The following MTCL2 variants were observed in gnomAD, a reference collection of about 807,000 sequenced individuals.
MTCL2 encodes the protein microtubule crosslinking factor 2.
chr20:36,784,771 C>T, the MTCL2 span: 30 of 985,438 alleles, frequency 3.0e-5, no homozygotes, highest in Non-Finnish European at 3.1e-5. Context: ...GGAGAAGAGC[C>T]GTGAAAGGCC....
chr20:36,786,369 C>T, the MTCL2 span: 53 of 1,375,604 alleles, frequency 3.9e-5, no homozygotes, highest in Non-Finnish European at 5.0e-5. Flanking sequence ...TGCTGTCCCT[C>T]CAGGGCCAGG....
chr20:36,826,036 C>G, the MTCL2 span, among the ~76,000 whole-genome samples: 1 of 151,562 alleles, frequency 6.6e-6, no homozygotes, highest in Middle Eastern at 3.4e-3. Flanking sequence ...AGACGGAGTC[C>G]CGTTCTGTCG....
the MTCL2 span, chr20:36,785,147 G>C: frequency 1.0e-6 from 1 of 985,344 alleles, no homozygotes; most frequent in Non-Finnish European, 1.2e-6. Flanking sequence ...AGTGTTCTGA[G>C]GCCACATGGC....
the MTCL2 span, chr20:36,812,878 G>C: frequency 6.3e-7 from 1 of 1,599,480 alleles, no homozygotes; most frequent in South Asian, 1.1e-5. Flanking sequence ...ACAAACCAAA[G>C]ATCACCATGG....
the MTCL2 span, chr20:36,797,497 C>T: frequency 6.4e-7 from 1 of 1,553,418 alleles, no homozygotes; most frequent in African/African-American, 1.4e-5. Context: ...AGCCGCCCCA[C>T]TCACCTCCTT....
chr20:36,842,131 C>T, the MTCL2 span, among the ~76,000 whole-genome samples: 1 of 152,166 alleles, frequency 6.6e-6, no homozygotes, highest in East Asian at 1.9e-4. Context: ...CCTCACTTCT[C>T]CTTTGTAATC....
At chr20:36,817,675 T>C in the MTCL2 span, among the ~76,000 whole-genome samples, 2 of 152,066 alleles carry the variant, frequency 1.3e-5, no homozygotes, top group African/African-American at 2.4e-5. Flanking sequence ...GCCAGAAGCA[T>C]TGGAGAAGAT....
the MTCL2 span, among the ~76,000 whole-genome samples, chr20:36,860,382 C>G: frequency 6.6e-6 from 1 of 152,178 alleles, no homozygotes; most frequent in Non-Finnish European, 1.5e-5. Context: ...TTGTTTAATT[C>G]TGGTCTCCCC....
At chr20:36,851,729 GTC>G in the MTCL2 span, among the ~76,000 whole-genome samples, 1 of 152,132 alleles carries the variant, frequency 6.6e-6, no homozygotes, top group African/African-American at 2.4e-5. Context: ...CGTTTTATTT[GTC>G]TGTTTGCCTG....
chr20:36,782,544 TTC>T, the MTCL2 span: 2 of 152,234 alleles, frequency 1.3e-5, no homozygotes, highest in Non-Finnish European at 2.9e-5. Context: ...GGGAAACGAT[TTC>T]TTTTTTGAGA....
the MTCL2 span, chr20:36,859,428 G>C: frequency 6.2e-6 from 3 of 483,034 alleles, no homozygotes; most frequent in Non-Finnish European, 9.8e-6. Flanking sequence ...AGGGACCCAA[G>C]GTCAGGCAGC....
the MTCL2 span, among the ~76,000 whole-genome samples, chr20:36,841,274 A>G: frequency 6.6e-6 from 1 of 151,372 alleles, no homozygotes; most frequent in Non-Finnish European, 1.5e-5. Context: ...CAGAGGATGC[A>G]GTGAGCCGAG....
the MTCL2 span, chr20:36,794,510 A>G: frequency 6.2e-7 from 1 of 1,614,056 alleles, no homozygotes. This position sits in a 1 kb window ranked among gnomAD's most constrained non-coding sequence, Gnocchi z 5.4. Context: ...GTTGTTAGGC[A>G]GCTTCTTGCC....
At chr20:36,804,748 C>T in the MTCL2 span, 8 of 1,613,716 alleles carry the variant, frequency 5.0e-6, no homozygotes, top group Non-Finnish European at 6.8e-6. Flanking sequence ...GGAGGTATGG[C>T]CCTTGAGCTC....
chr20:36,812,186 C>T, the MTCL2 span, among the ~76,000 whole-genome samples: 1 of 152,198 alleles, frequency 6.6e-6, no homozygotes, highest in African/African-American at 2.4e-5. Context: ...AATCATCCTC[C>T]TCCTCCTCCT....
the MTCL2 span, among the ~76,000 whole-genome samples, chr20:36,855,102 C>T: frequency 6.6e-6 from 1 of 152,302 alleles, no homozygotes; most frequent in South Asian, 2.1e-4. Context: ...GGGGTCACAC[C>T]AGAGCCAGAT....
chr20:36,794,343 T>G, the MTCL2 span: 65 of 1,592,200 alleles, frequency 4.1e-5, no homozygotes, highest in Non-Finnish European at 5.4e-5. This position sits in a 1 kb window ranked among gnomAD's most constrained non-coding sequence, Gnocchi z 5.4. Flanking sequence ...ATGCCCGTCT[T>G]GTCAGGAGCC....
At chr20:36,800,599 A>G in the MTCL2 span, among the ~76,000 whole-genome samples, 1 of 152,224 alleles carries the variant, frequency 6.6e-6, no homozygotes, top group Non-Finnish European at 1.5e-5. Context: ...ACTTTGCCTC[A>G]GTCTCCTCAT....
At chr20:36,825,865 G>A in the MTCL2 span, among the ~76,000 whole-genome samples, 1 of 152,328 alleles carries the variant, frequency 6.6e-6, no homozygotes, top group East Asian at 1.9e-4. Context: ...AGGAGAGCTA[G>A]ACCAGCCTCA....
Sources: gnomAD v4.1 joint callset for allele counts (sites outside exome capture counted in the v4.1 genomes callset) on GRCh38, gnomAD v4.1.1 for gene constraint, Gnocchi (gnomAD v3.1) non-coding constraint, MANE v1.5 for transcripts, NCBI Gene and HGNC (gene_info 2026-07-23, HGNC 2026-07-21) for gene names.